Variants in CEP85L observed in about 807,000 individuals in gnomAD.
CEP85L encodes centrosomal protein 85L, also known as centrosomal protein of 85 kDa-like.
A neutral mutation model predicts 100.3 loss-of-function variants in CEP85L; 60 were observed. The observed-to-expected ratio is 0.60, with a 90% CI of 0.49 to 0.74. The LOEUF is 0.74. Among genes scored for constraint, CEP85L ranks in the 30% least tolerant of loss-of-function variants. The probability of loss-of-function intolerance (pLI) is 0.00; values close to 1 mark genes in which losing one functional copy is unlikely to be tolerated. For synonymous variants in CEP85L, 319 were observed against 322.7 expected (o/e 0.99, Z 0.12); for missense variants, 973 against 936.2 (o/e 1.04, Z -0.51).
At chr6:118,649,261 G>A (rs1775392948) in intron 1 of CEP85L, among the ~76,000 whole-genome samples, 1 of 152,102 alleles carries the variant, frequency 6.6e-6, no homozygotes, top group Admixed American at 6.5e-5. Context: ...GTCCTGACTT[G>A]TCAATAGTTT....
intron 2 of CEP85L, among the ~76,000 whole-genome samples, chr6:118,567,624 T>G (rs1458909883): frequency 6.6e-6 from 1 of 152,140 alleles, no homozygotes; most frequent in Non-Finnish European, 1.5e-5. Flanking sequence ...GGGGAGGAAG[T>G]AAGCGATGGA....
At chr6:118,600,370 T>TGTGTGTGTGTGTG (rs58066356) in intron 2 of CEP85L, among the ~76,000 whole-genome samples, 4 of 86,364 alleles carry the variant, frequency 4.6e-5, no homozygotes, top group African/African-American at 1.3e-4. Context: ...TGTGTGTGTG[T>TGTGTGTGTGTGTG]AACGCCATGG....
intron 2 of CEP85L, among the ~76,000 whole-genome samples, chr6:118,576,926 G>A (rs367714254): frequency 3.3e-5 from 5 of 152,244 alleles, no homozygotes; most frequent in South Asian, 2.1e-4. Context: ...ACGCTTGTGC[G>A]ACAGGTAGGC....
At chr6:118,677,425 T>G (rs1325513019) in intron 1 of CEP85L, among the ~76,000 whole-genome samples, 1 of 151,900 alleles carries the variant, frequency 6.6e-6, no homozygotes, top group East Asian at 1.9e-4. Flanking sequence ...GTTGGAGGAG[T>G]TGGGAATTGC....
chr6:118,501,477 T>G, intron 5 of CEP85L: 1 of 426,418 alleles, frequency 2.3e-6, no homozygotes, highest in South Asian at 1.8e-5. Context: ...CCAAGTGCTC[T>G]TTTCGTTTTC....
chr6:118,588,365 T>C (rs181682181), intron 2 of CEP85L, among the ~76,000 whole-genome samples: 6 of 152,310 alleles, frequency 3.9e-5, no homozygotes, highest in South Asian at 4.1e-4. Context: ...GTATGGGCCA[T>C]AGAGGCACAA....
At chr6:118,625,352 T>C (rs1773718353) in intron 2 of CEP85L, among the ~76,000 whole-genome samples, 1 of 152,218 alleles carries the variant, frequency 6.6e-6, no homozygotes. Flanking sequence ...TTGGAAAGTC[T>C]CCTTATACCC....
At chr6:118,502,579 C>T in intron 5 of CEP85L, 1 of 473,850 alleles carries the variant, frequency 2.1e-6, no homozygotes, top group Non-Finnish European at 3.9e-6. Context: ...AACTTTGGCG[C>T]TCCGGTTGAA....
At chr6:118,631,021 C>T (rs1774110324) in intron 2 of CEP85L, among the ~76,000 whole-genome samples, 1 of 152,222 alleles carries the variant, frequency 6.6e-6, no homozygotes, top group Non-Finnish European at 1.5e-5. Flanking sequence ...CAAACCAGTT[C>T]CTGGTGCCAA....
intron 1 of CEP85L, among the ~76,000 whole-genome samples, chr6:118,670,966 A>T (rs1668213802): frequency 6.6e-6 from 1 of 152,080 alleles, no homozygotes; most frequent in African/African-American, 2.4e-5. Context: ...GTAAAAAAAA[A>T]AAAACACTGT....
At chr6:118,574,306 G>C (rs983681191) in intron 2 of CEP85L, among the ~76,000 whole-genome samples, 23 of 152,322 alleles carry the variant, frequency 1.5e-4, no homozygotes, top group African/African-American at 4.8e-4. Flanking sequence ...GGTTAGTTTA[G>C]ATGGTTTGGT....
intron 1 of CEP85L, among the ~76,000 whole-genome samples, chr6:118,640,448 T>A (rs142679197): frequency 1.1e-3 from 168 of 152,278 alleles, no homozygotes; most frequent in African/African-American, 3.9e-3. Context: ...TTTCTTCATA[T>A]GTAAGAGAAG....
At chr6:118,679,723 A>G (rs1317244549) in intron 1 of CEP85L, among the ~76,000 whole-genome samples, 1 of 152,180 alleles carries the variant, frequency 6.6e-6, no homozygotes, top group Non-Finnish European at 1.5e-5. Context: ...CAGTTTTTAA[A>G]TAATGTGGTC....
At chr6:118,627,494 T>C (rs968077100) in intron 2 of CEP85L, among the ~76,000 whole-genome samples, 1 of 152,196 alleles carries the variant, frequency 6.6e-6, no homozygotes, top group Non-Finnish European at 1.5e-5. Context: ...GAGAGCAACA[T>C]GGCAAATGCA....
intron 3 of CEP85L, among the ~76,000 whole-genome samples, chr6:118,546,150 A>G (rs1285233902): frequency 6.6e-6 from 1 of 152,128 alleles, no homozygotes; most frequent in African/African-American, 2.4e-5. Context: ...CTAGAGTTCC[A>G]CATGAGATCA....
intron 3 of CEP85L, among the ~76,000 whole-genome samples, chr6:118,526,874 G>A (rs768339886): frequency 1.8e-4 from 28 of 152,228 alleles, no homozygotes; most frequent in Non-Finnish European, 3.7e-4. Flanking sequence ...CCACTTTCCT[G>A]GAAAATTCAT....
intron 2 of CEP85L, among the ~76,000 whole-genome samples, chr6:118,614,281 A>G (rs1343201422): frequency 3.3e-5 from 5 of 152,254 alleles, no homozygotes; most frequent in Non-Finnish European, 4.4e-5. Flanking sequence ...CTGCTACTTA[A>G]TAGTGAAAAG....
intron 5 of CEP85L, among the ~76,000 whole-genome samples, chr6:118,503,093 G>A (rs560121605): frequency 4.6e-5 from 7 of 152,252 alleles, no homozygotes; most frequent in African/African-American, 1.7e-4. Context: ...ATTATAGCAA[G>A]GTTACAGGAT....
chr6:118,577,870 T>C (rs1213181814), intron 2 of CEP85L, among the ~76,000 whole-genome samples: 1 of 152,186 alleles, frequency 6.6e-6, no homozygotes, highest in Admixed American at 6.5e-5. Flanking sequence ...TTATTATAGG[T>C]GTACTCATTC....
Sources: gnomAD v4.1 joint callset for allele counts (sites outside exome capture counted in the v4.1 genomes callset) on GRCh38, gnomAD v4.1.1 for gene constraint, MANE v1.5 for transcripts, NCBI Gene and HGNC (gene_info 2026-07-23, HGNC 2026-07-21) for gene names.